Variants in PRKN observed in about 807,000 individuals in gnomAD.
PRKN encodes the protein E3 ubiquitin-protein ligase parkin.
In PRKN, 56 loss-of-function variants were observed where a neutral mutation model predicts 59.5. The ratio of observed to expected loss-of-function variants is 0.94; its 90% CI spans 0.76 to 1.18. The LOEUF (loss-of-function observed/expected upper bound fraction) is 1.18. Among genes scored for constraint, PRKN ranks in the 50% most tolerant of loss-of-function variants. The probability of loss-of-function intolerance (pLI) is 0.00; values close to 1 mark genes in which losing one functional copy is unlikely to be tolerated. For synonymous variants in PRKN, 250 were observed against 222.1 expected (o/e 1.13, Z -1.12); for missense variants, 657 against 596.4 (o/e 1.10, Z -1.06).
chr6:161,742,258 C>T (rs1179659894), intron 7 of PRKN, among the ~76,000 whole-genome samples: 2 of 152,198 alleles, frequency 1.3e-5, no homozygotes, highest in Admixed American at 6.5e-5. Flanking sequence ...GCATGAGCCA[C>T]TGCGCCCAGC....
chr6:162,527,492 C>A (rs1269801390), intron 1 of PRKN, among the ~76,000 whole-genome samples: 7 of 152,058 alleles, frequency 4.6e-5, no homozygotes, highest in Non-Finnish European at 8.8e-5. Flanking sequence ...ATCTCTGGTT[C>A]TTTGGTAAAT....
At chr6:162,673,886 G>T (rs1038164436) in intron 1 of PRKN, among the ~76,000 whole-genome samples, 3 of 152,152 alleles carry the variant, frequency 2.0e-5, no homozygotes, top group Admixed American at 6.6e-5. Flanking sequence ...TAAAACTTCA[G>T]ATCAAGCCAG....
At chr6:162,699,648 C>T (rs1014163268) in intron 1 of PRKN, among the ~76,000 whole-genome samples, 1 of 152,128 alleles carries the variant, frequency 6.6e-6, no homozygotes, top group African/African-American at 2.4e-5. Context: ...TATTTTAAGT[C>T]TCAATGACTG....
At chr6:161,972,909 T>C (rs1403771512) in intron 6 of PRKN, among the ~76,000 whole-genome samples, 1 of 152,228 alleles carries the variant, frequency 6.6e-6, no homozygotes, top group Non-Finnish European at 1.5e-5. Flanking sequence ...GGCACATGCC[T>C]AATGTTAACA....
intron 2 of PRKN, among the ~76,000 whole-genome samples, chr6:162,377,915 G>C (rs748221757): frequency 1.1e-4 from 17 of 152,206 alleles, no homozygotes; most frequent in Non-Finnish European, 1.5e-4. Flanking sequence ...TCTTGGGCAA[G>C]AGGAGGAAAG....
intron 4 of PRKN, among the ~76,000 whole-genome samples, chr6:162,198,415 A>C (rs1319386727): frequency 1.3e-5 from 2 of 150,040 alleles, no homozygotes; most frequent in Non-Finnish European, 3.0e-5. Flanking sequence ...TACTTCTCTG[A>C]AATCAGTTAG....
At chr6:161,979,930 T>C (rs543914353) in intron 5 of PRKN, among the ~76,000 whole-genome samples, 2 of 152,298 alleles carry the variant, frequency 1.3e-5, no homozygotes, top group South Asian at 4.1e-4. Context: ...ATGGAATAAA[T>C]AGCCCAGCAA....
At chr6:162,166,047 C>CAAAAAAA (rs10557222) in intron 4 of PRKN, among the ~76,000 whole-genome samples, 13 of 80,198 alleles carry the variant, frequency 1.6e-4, no homozygotes, top group African/African-American at 6.1e-4. Context: ...GACTCTATCT[C>CAAAAAAA]AAAAAAAAAA....
chr6:162,485,763 C>T (rs961889287), intron 1 of PRKN, among the ~76,000 whole-genome samples: 6 of 152,134 alleles, frequency 3.9e-5, no homozygotes, highest in African/African-American at 1.4e-4. Flanking sequence ...CTCAGTTAGT[C>T]GCCTACTGGA....
rs1787698550 is a variant in PRKN, at chr6:161,413,676, C to T, written c.1084-26799G>A. Among the ~76,000 whole-genome samples, 1 of 152,158 alleles carries T rather than the reference C, an allele frequency of 6.6e-6. No individual in the cohort carries two copies. The highest frequency in any genetic ancestry group is 2.1e-4 in the South Asian group (1 of 4,830). On this transcript the variant is annotated intron_variant, in intron 9 of 11. Coordinates refer to ENST00000366898, the MANE Select transcript of PRKN (RefSeq NM_004562.3). The surrounding 1 kb of genome is among the most constrained non-coding windows in gnomAD (Gnocchi z 4.4). ...GGACACCTGAGCACGTCTCAGGGCG[C>T]CTTCTGTTCACAGCTTCCCACAGGA...
intron 6 of PRKN, among the ~76,000 whole-genome samples, chr6:161,898,303 T>C (rs1052685266): frequency 2.0e-5 from 3 of 152,184 alleles, no homozygotes; most frequent in Non-Finnish European, 1.5e-5. Context: ...TGAGGAGTCC[T>C]GATGCATATA....
At chr6:162,483,833 T>C (rs983611989) in intron 1 of PRKN, among the ~76,000 whole-genome samples, 11 of 152,228 alleles carry the variant, frequency 7.2e-5, no homozygotes, top group Non-Finnish European at 1.0e-4. Context: ...AACTACTAAT[T>C]GCAAGATTGC....
At chr6:161,829,772 T>G (rs1167862362) in intron 6 of PRKN, among the ~76,000 whole-genome samples, 1 of 149,198 alleles carries the variant, frequency 6.7e-6, no homozygotes. Flanking sequence ...ACATGTGCTC[T>G]GAAGGCACCA....
At chr6:162,237,999 G>T (rs1185446579) in intron 3 of PRKN, among the ~76,000 whole-genome samples, 2 of 152,128 alleles carry the variant, frequency 1.3e-5, no homozygotes, top group African/African-American at 2.4e-5. Context: ...GGAAGAAATA[G>T]GAAACCTGAA....
chr6:162,504,873 T>C (rs1463315782), intron 1 of PRKN, among the ~76,000 whole-genome samples: 1 of 151,886 alleles, frequency 6.6e-6, no homozygotes, highest in Non-Finnish European at 1.5e-5. Context: ...AGGGAAAAAT[T>C]GAGGAAAGAC....
intron 6 of PRKN, among the ~76,000 whole-genome samples, chr6:161,847,593 CT>C (rs11395343): frequency 4.2e-4 from 62 of 146,882 alleles, no homozygotes; most frequent in African/African-American, 5.7e-4. Flanking sequence ...TAGTCTTTGC[CT>C]TTTTTTTTTT....
At chr6:162,515,127 G>T (rs1777790321) in intron 1 of PRKN, among the ~76,000 whole-genome samples, 2 of 147,616 alleles carry the variant, frequency 1.4e-5, no homozygotes, top group Admixed American at 1.4e-4. Flanking sequence ...TTGTCACCCA[G>T]ACTGGAGTGC....
chr6:162,394,354 T>C (rs1391980652), intron 2 of PRKN, among the ~76,000 whole-genome samples: 2 of 152,164 alleles, frequency 1.3e-5, no homozygotes, highest in Non-Finnish European at 2.9e-5. Flanking sequence ...TCGGGTGTGA[T>C]ACAGAAATAT....
At chr6:161,608,094 G>A (rs992830328) in intron 7 of PRKN, among the ~76,000 whole-genome samples, 2 of 152,150 alleles carry the variant, frequency 1.3e-5, no homozygotes, top group Non-Finnish European at 2.9e-5. Flanking sequence ...CAATGTGGAC[G>A]ACAGTGCCCT....
Sources: allele counts gnomAD v4.1 joint callset (sites outside exome capture counted in the v4.1 genomes callset), GRCh38; gene constraint gnomAD v4.1.1; non-coding constraint Gnocchi (gnomAD v3.1); transcripts MANE v1.5; gene names NCBI Gene and HGNC (gene_info 2026-07-23, HGNC 2026-07-21).